TUBGCP5: variants seen among roughly 807,000 people sequenced by gnomAD.
TUBGCP5 encodes the protein gamma-tubulin complex component 5.
Under a neutral mutation model 134.7 loss-of-function variants are expected in TUBGCP5, and 98 were observed. That is an observed-to-expected ratio of 0.73 (90% CI 0.62 to 0.86). The LOEUF (loss-of-function observed/expected upper bound fraction) is 0.86. TUBGCP5 is among the 40% of genes least tolerant of loss of function. TUBGCP5 has a pLI of 0.00. For missense variants in TUBGCP5, 1,150 were observed against 1,244.8 expected, an observed-to-expected ratio of 0.92 and a Z score of 1.15; for synonymous variants, 456 against 431.4, an observed-to-expected ratio of 1.06 and a Z score of -0.71.
At chr15:22,990,074 C>G (rs1184360763) in intron 23 of TUBGCP5, among the ~76,000 whole-genome samples, 1 of 152,182 alleles carries the variant, frequency 6.6e-6, no homozygotes, top group Non-Finnish European at 1.5e-5. Flanking sequence ...ACATTCCCTG[C>G]ACCTTTGACT....
At chr15:22,984,801 A>G (rs2063633131) in intron 23 of TUBGCP5, among the ~76,000 whole-genome samples, 1 of 152,184 alleles carries the variant, frequency 6.6e-6, no homozygotes, top group African/African-American at 2.4e-5. Context: ...ACATAAGAGA[A>G]TAATTTTATA....
intron 21 of TUBGCP5, among the ~76,000 whole-genome samples, chr15:23,001,323 G>C (rs181846882): frequency 6.7e-6 from 1 of 150,188 alleles, no homozygotes; most frequent in Admixed American, 6.6e-5. Context: ...GATTGCAGTT[G>C]TGAGCCATGG....
At position 23,000,607 on chromosome 15, in the gene TUBGCP5, AT is replaced by A. The variant is rs2064315444; in HGVS notation, c.2989del (p.Ile997PhefsTer2). 2 of 1,611,708 alleles carry A rather than the reference AT, an allele frequency of 1.2e-6. No individual in the cohort carries two copies. Among genetic ancestry groups the A allele is most frequent in the Admixed American group, 1.7e-5 (1 of 59,902 alleles). Reference sequence around the variant, plus strand: ...TCCTCTACAGACGGCTTTGTTTAAAATGGTTACAAGAAACATATGGCAGTTT... The same window carrying A: ...TCCTCTACAGACGGCTTTGTTTAAAAGGTTACAAGAAACATATGGCAGTTT... ...FKNCHMFLVT[I>X]LNKAVCRGSF... On this transcript the variant is annotated frameshift_variant, in exon 22 of 23. Coordinates refer to ENST00000615383, the MANE Select transcript of TUBGCP5 (RefSeq NM_052903.6). LOFTEE classifies it high-confidence loss of function.
At chr15:23,011,418 A>C in intron 13 of TUBGCP5, 87 bp from the exon 14 acceptor site, 1 of 571,126 alleles carries the variant, frequency 1.8e-6, no homozygotes, top group Non-Finnish European at 2.8e-6. Context: ...AACATTAACA[A>C]TATATTAAGT....
At chr15:23,007,303 T>A (rs1008963957) in intron 16 of TUBGCP5, among the ~76,000 whole-genome samples, 4 of 152,004 alleles carry the variant, frequency 2.6e-5, no homozygotes, top group African/African-American at 9.7e-5. Context: ...GGCAGGAAAA[T>A]GGCATGAACC....
chr15:23,024,737 A>T lies in TUBGCP5; in HGVS notation c.921T>A (p.His307Gln), dbSNP rs376655112. Residue 307 changes from histidine (H) to glutamine (Q), a missense_variant and splice_region_variant, in exon 9 of 23, where the codon CAT (histidine) becomes CAA (glutamine). By Grantham distance (24) the His-to-Gln change is conservative. Around this residue, in one of 2 missense-constraint regions of TUBGCP5, gnomAD observed 453 missense variants for 394.7 expected, o/e 1.15. Coordinates refer to ENST00000615383, the MANE Select transcript of TUBGCP5 (RefSeq NM_052903.6). ...ATTACCATAAATACAAATAACTTAC[A>T]TGTGTTAAATGAGTTACTATAATAT... The part of the protein sequence containing the change: ...RNNIIVTHLT[H>Q]SCLRSVLEQI... 8.5e-6 allele frequency: 12 copies of T among 1,412,460 alleles called. No homozygotes were observed. The African/African-American group carries it at 1.4e-4, about 17-fold the overall frequency. 87.5% of individuals were successfully genotyped at this position (1,412,460 alleles called of 1,614,324 possible). A position where few individuals can be genotyped will look rare whatever the true frequency, so the allele number is the denominator to read the frequency against.
chr15:23,009,230 C>A lies in TUBGCP5; in HGVS notation c.2145-349G>T, dbSNP rs554986219. Among the ~76,000 whole-genome samples the A allele has an allele frequency of 1.4e-3, 208 of 151,822 alleles. 1 individual carries two copies. Among genetic ancestry groups the A allele is most frequent in the African/African-American group, 4.4e-3 (183 of 41,392 alleles). On this transcript the variant is annotated intron_variant, in intron 15 of 22. Coordinates refer to ENST00000615383, the MANE Select transcript of TUBGCP5 (RefSeq NM_052903.6). ...CTTCTCTTCTATGTGTTAAGAAAAC[C>A]TAGTTCCTACCGTATTATATCTCCT...
At chr15:22,993,170 G>C (rs1188570454) in intron 23 of TUBGCP5, among the ~76,000 whole-genome samples, 1 of 149,720 alleles carries the variant, frequency 6.7e-6, no homozygotes, top group African/African-American at 2.5e-5. Flanking sequence ...TGTGATCTCA[G>C]CTCACTGCAA....
At chr15:23,011,744 T>C (rs60746744) in intron 13 of TUBGCP5, among the ~76,000 whole-genome samples, 148,573 of 148,586 alleles carry the variant, frequency 1, 74,280 homozygotes, top group Middle Eastern at 1. Context: ...CTCCTGAGCT[T>C]AAGTGATCCA....
intron 3 of TUBGCP5, among the ~76,000 whole-genome samples, 190 bp from the exon 4 acceptor site, chr15:23,033,014 T>TCAAAGC (rs2066399680): frequency 6.6e-6 from 1 of 152,162 alleles, no homozygotes; most frequent in Admixed American, 6.5e-5. Flanking sequence ...ATAAGGAACC[T>TCAAAGC]CAAAGCCATC....
intron 21 of TUBGCP5, among the ~76,000 whole-genome samples, chr15:23,001,287 C>G (rs1286518264): frequency 6.6e-6 from 1 of 151,372 alleles, no homozygotes; most frequent in Admixed American, 6.6e-5. Flanking sequence ...AGCTGATCTG[C>G]CCCCACTGGC....
In TUBGCP5 at chr15:23,037,005, T is replaced by G. The variant is rs772107072; in HGVS notation, c.201A>C (p.Gly67=). 1 of 1,595,488 alleles carries G rather than the reference T, an allele frequency of 6.3e-7. No homozygotes were observed. The highest frequency in any genetic ancestry group is 1.2e-5 in the South Asian group (1 of 86,156). Residue 67 remains glycine, a splice_region_variant and synonymous_variant, in exon 3 of 23, where the codon GGA becomes GGC. Coordinates refer to ENST00000615383, the MANE Select transcript of TUBGCP5 (RefSeq NM_052903.6). ...NSHKIEKTIE[G]IYEKFVIHSD... ...AATGAATGACAAATTTTTCATAAAT[T>G]CTAAAATATAAGAAAAGATTATAAA...
intron 3 of TUBGCP5, among the ~76,000 whole-genome samples, chr15:23,035,343 A>AAAAAG (rs75171961): frequency 6.6e-6 from 1 of 150,760 alleles, no homozygotes; most frequent in Non-Finnish European, 1.5e-5. Context: ...AAAAAAAAAG[A>AAAAAG]AAAAAAGTGT....
At position 23,039,524 on chromosome 15, in the gene TUBGCP5, G is replaced by T. The variant is rs574203342; in HGVS notation, c.20C>A (p.Pro7Gln). ...CTGCTGCGCGTCCAACCGACTCCAC[G>T]GTGGCCCGTGCCGCGCCATGTTCCG... MARHGP[P>Q]WSRLDAQQER... Residue 7 changes from proline to glutamine, a missense_variant, in exon 1 of 23, where the codon CCG becomes CAG. Pro to Gln is a moderately conservative substitution (Grantham distance 76). Around this residue, in one of 2 missense-constraint regions of TUBGCP5, gnomAD observed 453 missense variants for 394.7 expected, o/e 1.15. Coordinates refer to ENST00000615383, the MANE Select transcript of TUBGCP5 (RefSeq NM_052903.6). 4.0e-6 allele frequency: 6 copies of T among 1,489,706 alleles called. No homozygotes were observed. In the African/African-American group the frequency reaches 4.3e-5, roughly 11 times the overall value. The allele number at this position is 1,489,706 out of a possible 1,614,324, so 92.3% of individuals were successfully genotyped here.
chr15:23,016,586 A>G (rs1419685972), intron 13 of TUBGCP5, among the ~76,000 whole-genome samples: 2 of 152,102 alleles, frequency 1.3e-5, no homozygotes, highest in Non-Finnish European at 2.9e-5. Context: ...AAAAATGCTC[A>G]GCATCACTAA....
intron 14 of TUBGCP5, among the ~76,000 whole-genome samples, chr15:23,010,758 C>T (rs2064988735): frequency 6.6e-6 from 1 of 152,026 alleles, no homozygotes; most frequent in East Asian, 1.9e-4. Flanking sequence ...GTGGGCAGAT[C>T]ACCTGAGGTC....
chr15:23,024,137 T>G lies in TUBGCP5; in HGVS notation c.978A>C (p.Arg326=), dbSNP rs142583441. 6.2e-7 allele frequency: 1 copy of G among 1,613,976 alleles called. No homozygotes were observed. Among genetic ancestry groups the G allele is most frequent in the South Asian group, 1.1e-5 (1 of 91,068 alleles). The change falls in exon 10 of 23, where the codon CGA becomes CGC. Residue 326 remains arginine, a synonymous_variant. Transcript: ENST00000615383. Reference sequence around the variant, plus strand: ...TGACTTCATCAATGAACTCCTGGAGTCGAAACACAACCTGGCCATATGCTG... The same window carrying G: ...TGACTTCATCAATGAACTCCTGGAGGCGAAACACAACCTGGCCATATGCTG... ...QIAAYGQVVF[R]LQEFIDEVMG...
chr15:23,006,229 G>C, intron 17 of TUBGCP5, 39 bp downstream of exon 17: 1 of 1,608,926 alleles, frequency 6.2e-7, no homozygotes, highest in South Asian at 1.1e-5. Flanking sequence ...TTTAATGTTA[G>C]CAGAAAACAC....
chr15:23,009,944 C>A lies in TUBGCP5; in HGVS notation c.2144+1G>T. 2.5e-6 allele frequency: 4 copies of A among 1,610,984 alleles called. No individual in the cohort carries two copies. The highest frequency in any genetic ancestry group is 3.4e-6 in the Non-Finnish European group (4 of 1,178,300). On this transcript the variant is annotated splice_donor_variant, in intron 15 of 22. Coordinates refer to ENST00000615383, the MANE Select transcript of TUBGCP5 (RefSeq NM_052903.6). LOFTEE classifies it high-confidence loss of function. Reference sequence around the variant, plus strand: ...CTTCCAAAATTAAATTACTCTTTTACCTGTAATCTTTTTTTAGAGTTTGCA... The same window carrying A: ...CTTCCAAAATTAAATTACTCTTTTAACTGTAATCTTTTTTTAGAGTTTGCA...
Sources: allele counts gnomAD v4.1 joint callset (sites outside exome capture counted in the v4.1 genomes callset), GRCh38; gene constraint gnomAD v4.1.1; regional missense constraint gnomAD v4.1.1; transcripts MANE v1.5; gene names NCBI Gene and HGNC (gene_info 2026-07-23, HGNC 2026-07-21).